APELA: variants seen among roughly 807,000 people sequenced by gnomAD.
APELA encodes the protein protein Elabela.
At position 164,878,990 on chromosome 4, in the gene APELA, A is replaced by G. The variant is rs1007974127; in HGVS notation, c.147A>G (p.Ser49=). 16 of 398,858 alleles carry G rather than the reference A, an allele frequency of 4.0e-5. No homozygotes were observed. The highest frequency in any genetic ancestry group is 2.3e-4 in the African/African-American group (11 of 48,630). The allele number at this position is 398,858 out of a possible 1,614,324, so 24.7% of individuals were successfully genotyped here. A position where few individuals can be genotyped will look rare whatever the true frequency, so the allele number is the denominator to read the frequency against. Residue 49 remains serine (S), a synonymous_variant, in exon 2 of 3, where the codon TCA becomes TCG. Coordinates refer to ENST00000507152, the MANE Select transcript of APELA (RefSeq NM_001297550.2). ...CLQRRCMPLH[S]RVPFP ...AGAGGAGATGTATGCCTCTCCATTC[A>G]CGAGTACCCTTTCCCTGAGGTATTT...
intron 2 of APELA, among the ~76,000 whole-genome samples, chr4:164,880,414 G>A (rs1730634556): frequency 6.6e-6 from 1 of 152,148 alleles, no homozygotes; most frequent in South Asian, 2.1e-4. Context: ...CTTTGGTGGA[G>A]GAATCCAGAA....
intron 2 of APELA, among the ~76,000 whole-genome samples, chr4:164,880,897 A>C (rs1455170938): frequency 6.6e-6 from 1 of 152,234 alleles, no homozygotes; most frequent in African/African-American, 2.4e-5. Context: ...AACTCTTTAC[A>C]AAAGTTGGCT....
At chr4:164,885,756 A>T (rs941312992) in intron 2 of APELA, among the ~76,000 whole-genome samples, 1 of 152,034 alleles carries the variant, frequency 6.6e-6, no homozygotes, top group African/African-American at 2.4e-5. Context: ...AAAAAAGATG[A>T]AATGAAATGA....
At chr4:164,881,948 C>T (rs1260797298) in intron 2 of APELA, among the ~76,000 whole-genome samples, 2 of 151,710 alleles carry the variant, frequency 1.3e-5, no homozygotes, top group East Asian at 1.9e-4. Context: ...CTGAGGCCTC[C>T]AGGGAGGATC....
rs188310588 is a variant in APELA, at chr4:164,889,531, G to C, written c.*2-5885G>C. Among the ~76,000 whole-genome samples, 433 of 152,034 alleles carry C rather than the reference G, an allele frequency of 2.8e-3. 2 individuals are homozygous for C. Among genetic ancestry groups the C allele is most frequent in the African/African-American group, 9.8e-3 (408 of 41,470 alleles). On this transcript the variant is annotated intron_variant, in intron 2 of 2. Coordinates refer to ENST00000507152, the MANE Select transcript of APELA (RefSeq NM_001297550.2). ...ATCTTTTACTTAGATGTATTTATTT[G>C]TACATATGAAAACAGTAAGTTATTT... is the stretch of plus-strand genomic sequence containing the variant.
In APELA at chr4:164,878,501, T is replaced by C. The variant is rs1056213966; in HGVS notation, c.77-419T>C. ...ACTCTGAGAAAGCAGCTTGATCCCTTCTCATTGTTTACAGCAGTCACTATT... is the reference window on the plus strand; with the variant it reads ...ACTCTGAGAAAGCAGCTTGATCCCTCCTCATTGTTTACAGCAGTCACTATT... On this transcript the variant is annotated intron_variant, in intron 1 of 2. Coordinates refer to ENST00000507152, the MANE Select transcript of APELA (RefSeq NM_001297550.2). Among the ~76,000 whole-genome samples, 13 of 152,344 alleles carry C rather than the reference T, an allele frequency of 8.5e-5. No homozygotes were observed. The Middle Eastern group carries it at 0.01, about 120-fold the overall frequency.
intron 2 of APELA, among the ~76,000 whole-genome samples, chr4:164,881,811 G>C (rs1730657977): frequency 6.6e-6 from 1 of 151,704 alleles, no homozygotes; most frequent in Non-Finnish European, 1.5e-5. Flanking sequence ...GAGGTAGGTG[G>C]ATTGCTTGAG....
intron 2 of APELA, among the ~76,000 whole-genome samples, chr4:164,888,614 T>G (rs1306394514): frequency 1.3e-5 from 2 of 152,190 alleles, no homozygotes; most frequent in African/African-American, 4.8e-5. Flanking sequence ...TGTACACTTG[T>G]ACATATTCAG....
intron 2 of APELA, among the ~76,000 whole-genome samples, chr4:164,891,772 G>A (rs1009111211): frequency 1.3e-5 from 2 of 151,998 alleles, no homozygotes; most frequent in African/African-American, 2.4e-5. Context: ...TCTAATCTGG[G>A]TTTCTTTTTT....
intron 2 of APELA, among the ~76,000 whole-genome samples, chr4:164,890,426 G>T (rs1043794866): frequency 6.6e-6 from 1 of 152,036 alleles, no homozygotes; most frequent in Non-Finnish European, 1.5e-5. Flanking sequence ...TTCAGTCCTG[G>T]ACAGCCACTA....
At chr4:164,889,336 T>C (rs1730837285) in intron 2 of APELA, among the ~76,000 whole-genome samples, 1 of 152,222 alleles carries the variant, frequency 6.6e-6, no homozygotes. Context: ...GAAAATTATA[T>C]GTGTATAAAT....
At chr4:164,894,043 C>T (rs1730926908) in intron 2 of APELA, among the ~76,000 whole-genome samples, 1 of 151,820 alleles carries the variant, frequency 6.6e-6, no homozygotes, top group South Asian at 2.1e-4. Flanking sequence ...AATTTTTTGG[C>T]CGGGCGTGGT....
At chr4:164,889,600 G>A (rs766739445) in intron 2 of APELA, among the ~76,000 whole-genome samples, 3 of 149,524 alleles carry the variant, frequency 2.0e-5, no homozygotes, top group South Asian at 4.3e-4. Flanking sequence ...TGTGTAGAAC[G>A]CACAGGTTTG....
intron 1 of APELA, among the ~76,000 whole-genome samples, chr4:164,878,134 T>G (rs1335508649): frequency 2.0e-5 from 2 of 102,028 alleles, no homozygotes; most frequent in Non-Finnish European, 4.0e-5. Context: ...CCAGTAAGTT[T>G]GAAAAAAAAA....
chr4:164,884,108 A>T (rs1730716033), intron 2 of APELA, among the ~76,000 whole-genome samples: 1 of 37,636 alleles, frequency 2.7e-5, no homozygotes, highest in Non-Finnish European at 5.2e-5. Context: ...AAAGAATGAA[A>T]GAAAGAAAGA....
intron 2 of APELA, among the ~76,000 whole-genome samples, chr4:164,887,257 T>C (rs918524381): frequency 6.6e-6 from 1 of 152,158 alleles, no homozygotes; most frequent in Admixed American, 6.5e-5. Context: ...ATAAATCCCA[T>C]CTAATCCATT....
intron 2 of APELA, among the ~76,000 whole-genome samples, chr4:164,882,091 C>CT (rs939447475): frequency 5.2e-4 from 77 of 149,432 alleles, no homozygotes; most frequent in African/African-American, 1.3e-3. Flanking sequence ...ACTCTACTAG[C>CT]TTTTTTTTTT....
At chr4:164,877,715 C>T (rs1038736834) in intron 1 of APELA, among the ~76,000 whole-genome samples, 1 of 152,078 alleles carries the variant, frequency 6.6e-6, no homozygotes, top group Admixed American at 6.6e-5. Flanking sequence ...CAGAAGTGTT[C>T]GTCTATTCAT....
intron 2 of APELA, among the ~76,000 whole-genome samples, chr4:164,881,917 T>C (rs1270296433): frequency 6.6e-6 from 1 of 151,064 alleles, no homozygotes; most frequent in Non-Finnish European, 1.5e-5. Context: ...CGTGTGCCTC[T>C]AGTCCTAGCT....
Sources: gnomAD v4.1 joint callset for allele counts (sites outside exome capture counted in the v4.1 genomes callset) on GRCh38, gnomAD v4.1.1 for gene constraint, MANE v1.5 for transcripts, NCBI Gene and HGNC (gene_info 2026-07-23, HGNC 2026-07-21) for gene names.